BMP2K: variants seen among roughly 807,000 people sequenced by gnomAD.
BMP2K encodes the protein BMP2 inducible kinase.
BMP2K carries 74 observed loss-of-function variants against 116.0 expected under a neutral mutation model. The observed-to-expected ratio is 0.64, with a 90% CI of 0.53 to 0.77. The LOEUF (loss-of-function observed/expected upper bound fraction) is 0.77, where lower values mean the gene tolerates loss of function less well. Ranked by LOEUF, BMP2K falls within the 30% of genes least tolerant of loss-of-function variation. The pLI is 0.00. For missense variants in BMP2K, 1,365 were observed against 1,403.6 expected, an observed-to-expected ratio of 0.97 and a Z score of 0.44; for synonymous variants, 486 against 502.5, an observed-to-expected ratio of 0.97 and a Z score of 0.44.
intron 1 of BMP2K, among the ~76,000 whole-genome samples, chr4:78,779,984 G>A (rs1045402742): frequency 6.6e-6 from 1 of 152,144 alleles, no homozygotes; most frequent in Admixed American, 6.5e-5. Flanking sequence ...TAGAAATGAG[G>A]GAGAGCGGTA....
At chr4:78,795,212 TA>T (rs771772035) in intron 1 of BMP2K, among the ~76,000 whole-genome samples, 42 of 152,334 alleles carry the variant, frequency 2.8e-4, no homozygotes, top group South Asian at 1.7e-3. Context: ...CTCAATAGAC[TA>T]CAAACTCACA....
At chr4:78,783,521 A>G (rs1727601222) in intron 1 of BMP2K, among the ~76,000 whole-genome samples, 1 of 152,146 alleles carries the variant, frequency 6.6e-6, no homozygotes, top group South Asian at 2.1e-4. Context: ...GCTAAATTGT[A>G]CAGGATGGGC....
chr4:78,792,498 C>G (rs565255767), intron 1 of BMP2K, among the ~76,000 whole-genome samples: 10 of 152,278 alleles, frequency 6.6e-5, no homozygotes, highest in Non-Finnish European at 1.5e-4. Context: ...AAAGATGATC[C>G]TGTCACTTCG....
rs1348034412 is a variant in BMP2K at position 78,915,764 on chromosome 4, A to G, written c.*3731A>G. 1.3e-5 allele frequency: 2 copies of G among 152,016 alleles called. No homozygotes were observed. Among genetic ancestry groups the G allele is most frequent in the African/African-American group, 4.8e-5 (2 of 41,434 alleles). 9.4% of individuals were successfully genotyped at this position (152,016 alleles called of 1,614,324 possible). On this transcript the variant is annotated 3_prime_UTR_variant, in exon 16 of 16. Transcript: ENST00000502613. ...AGGGTTTACAAAAGCTACTAAGAGA[A>G]TAAGGTAGATGATAATGCAAAGGGT...
At chr4:78,889,729 C>A (rs1305710005) in intron 15 of BMP2K, among the ~76,000 whole-genome samples, 1 of 152,142 alleles carries the variant, frequency 6.6e-6, no homozygotes, top group Non-Finnish European at 1.5e-5. Flanking sequence ...AAAAACTACT[C>A]CCAGGTGTAT....
At chr4:78,812,057 T>G (rs61470194) in intron 1 of BMP2K, among the ~76,000 whole-genome samples, 8,881 of 152,140 alleles carry the variant, frequency 0.058, 366 homozygotes, top group East Asian at 0.22. Flanking sequence ...TACTGCAACC[T>G]CCATCTCCCA....
chr4:78,782,414 A>G (rs1270472286), intron 1 of BMP2K, among the ~76,000 whole-genome samples: 3 of 152,246 alleles, frequency 2.0e-5, no homozygotes, highest in Non-Finnish European at 2.9e-5. Flanking sequence ...CATACCATGA[A>G]CATTCAGCTA....
rs1731772338 is a variant in BMP2K, at chr4:78,861,278, A to G, written c.988-111A>G. On this transcript the variant is annotated intron_variant, in intron 8 of 15. Transcript: ENST00000502613. ...TTTATAGGTATCTGATGTGAAAGTA[A>G]TAGTGTCTCATAGTACTTTTAAAGT... 4 of 727,684 alleles carry G rather than the reference A, an allele frequency of 5.5e-6. No homozygotes were observed. The South Asian group carries it at 7.1e-5, about 13-fold the overall frequency. The allele number at this position is 727,684 out of a possible 1,614,324, so 45.1% of individuals were successfully genotyped here.
In BMP2K at chr4:78,914,085, ATC is replaced by A; in HGVS notation, c.*2054_*2055del. 1 of 152,138 alleles carries A rather than the reference ATC, an allele frequency of 6.6e-6. No individual in the cohort carries two copies. Among genetic ancestry groups the A allele is most frequent in the East Asian group, 1.9e-4 (1 of 5,178 alleles). 9.4% of individuals were successfully genotyped at this position (152,138 alleles called of 1,614,324 possible). A position where few individuals can be genotyped will look rare whatever the true frequency, so the allele number is the denominator to read the frequency against. On this transcript the variant is annotated 3_prime_UTR_variant, in exon 16 of 16. Coordinates refer to ENST00000502613, the MANE Select transcript of BMP2K (RefSeq NM_198892.2). ...TATCAAACAATTTTTTTTAATGAAA[ATC>A]TGTTGAGGTGTACACAATATGCTTC...
chr4:78,789,955 G>C (rs532913686), intron 1 of BMP2K, among the ~76,000 whole-genome samples: 2 of 152,234 alleles, frequency 1.3e-5, no homozygotes, highest in African/African-American at 4.8e-5. Flanking sequence ...TGTAATATCG[G>C]ATCCCTATTT....
chr4:78,855,857 TTTTATA>T (rs1731483777), intron 7 of BMP2K, among the ~76,000 whole-genome samples: 1 of 152,126 alleles, frequency 6.6e-6, no homozygotes, highest in Admixed American at 6.6e-5. Context: ...AAAAAGTTGA[TTTTATA>T]TTTATAGTAG....
intron 3 of BMP2K, among the ~76,000 whole-genome samples, chr4:78,836,290 G>A (rs1363087225): frequency 2.0e-5 from 3 of 151,776 alleles, no homozygotes; most frequent in African/African-American, 7.3e-5. Flanking sequence ...AGTGGTGGAC[G>A]CCTGTAGTCC....
Position 78,872,597 on chromosome 4 carries a change from A to G in BMP2K, c.1609-17A>G. On this transcript the variant is annotated splice_polypyrimidine_tract_variant and intron_variant, in intron 12 of 15. Coordinates refer to ENST00000502613, the MANE Select transcript of BMP2K (RefSeq NM_198892.2). ...GGACTGGAGCATTGTTTTGTATAATATCATTTCTTTTTTCAGATGCCGCAG... is the reference window on the plus strand; with the variant it reads ...GGACTGGAGCATTGTTTTGTATAATGTCATTTCTTTTTTCAGATGCCGCAG... 2 of 1,611,386 alleles carry G rather than the reference A, an allele frequency of 1.2e-6. No homozygotes were observed. The highest frequency in any genetic ancestry group is 1.7e-6 in the Non-Finnish European group (2 of 1,178,698).
In BMP2K at chr4:78,842,605, G is replaced by C. The variant is rs554352935; in HGVS notation, c.546+78G>C. On this transcript the variant is annotated intron_variant, in intron 4 of 15. Coordinates refer to ENST00000502613, the MANE Select transcript of BMP2K (RefSeq NM_198892.2). ...TCTTGGAGTATTTTCATCTAAATCA[G>C]TATAAAAACTGGCTTTGAGGTTGGT... The C allele has an allele frequency of 5.9e-6, 8 of 1,350,708 alleles. No homozygotes were observed. In the African/African-American group the frequency reaches 1.2e-4, roughly 20 times the overall value. 83.7% of individuals were successfully genotyped at this position (1,350,708 alleles called of 1,614,324 possible).
chr4:78,909,703 A>G (rs1734482173), intron 15 of BMP2K, among the ~76,000 whole-genome samples: 1 of 152,130 alleles, frequency 6.6e-6, no homozygotes, highest in African/African-American at 2.4e-5. Flanking sequence ...GGTCTTCACC[A>G]CTGTCCAAAG....
intron 3 of BMP2K, among the ~76,000 whole-genome samples, chr4:78,836,627 T>C (rs1162806780): frequency 6.6e-6 from 1 of 152,214 alleles, no homozygotes; most frequent in Non-Finnish European, 1.5e-5. Context: ...ACCTTTGTTT[T>C]CACTCACTAA....
intron 1 of BMP2K, among the ~76,000 whole-genome samples, chr4:78,791,233 G>C (rs1727981557): frequency 6.6e-6 from 1 of 152,124 alleles, no homozygotes; most frequent in Admixed American, 6.5e-5. Context: ...GGTTCTCAAA[G>C]TGTGGTATGT....
At chr4:78,806,840 CTTTTTTT>C (rs1038770824) in intron 1 of BMP2K, among the ~76,000 whole-genome samples, 2 of 128,288 alleles carry the variant, frequency 1.6e-5, no homozygotes, top group Non-Finnish European at 3.4e-5. Flanking sequence ...CTTATCTTTT[CTTTTTTT>C]TTTTTTTTTA....
At chr4:78,904,483 CTG>C (rs1016332969) in intron 15 of BMP2K, among the ~76,000 whole-genome samples, 3 of 151,888 alleles carry the variant, frequency 2.0e-5, no homozygotes, top group Non-Finnish European at 2.9e-5. Context: ...TCCTGAGAGA[CTG>C]TTTACAAGCC....
Sources: gnomAD v4.1 joint callset for allele counts (sites outside exome capture counted in the v4.1 genomes callset) on GRCh38, gnomAD v4.1.1 for gene constraint, MANE v1.5 for transcripts, NCBI Gene and HGNC (gene_info 2026-07-23, HGNC 2026-07-21) for gene names.